The following FRAS1 variants were observed in gnomAD, a reference collection of about 807,000 sequenced individuals.
FRAS1 encodes extracellular matrix organizing protein FRAS1.
Under a neutral mutation model 435.2 loss-of-function variants are expected in FRAS1, and 290 were observed. The ratio of observed to expected loss-of-function variants is 0.67; its 90% CI spans 0.61 to 0.73. The LOEUF (loss-of-function observed/expected upper bound fraction) is 0.73, where lower values mean the gene tolerates loss of function less well. Ranked by LOEUF, FRAS1 falls within the 30% of genes least tolerant of loss-of-function variation. The probability of loss-of-function intolerance (pLI) is 0.00; values close to 1 mark genes in which losing one functional copy is unlikely to be tolerated. For synonymous variants in FRAS1, 1,800 were observed against 1,851.0 expected (o/e 0.97, Z 0.71); for missense variants, 4,860 against 5,001.5 (o/e 0.97, Z 0.85).
rs776661417 is a variant in FRAS1 at position 78,445,595 on chromosome 4, C to T, written c.5739C>T (p.Tyr1913=). 1 of 1,613,410 alleles carries T rather than the reference C, an allele frequency of 6.2e-7. No homozygotes were observed. The highest frequency in any genetic ancestry group is 8.5e-7 in the Non-Finnish European group (1 of 1,179,596). Reference sequence around the variant, plus strand: ...CTATTCAAGACGTCCTGGAAAACTACATTTACTACTTTCAGAGTGTTCATG... The same window carrying T: ...CTATTCAAGACGTCCTGGAAAACTATATTTACTACTTTCAGAGTGTTCATG... ...SFPIQDVLEN[Y]IYYFQSVHES... is the part of the protein sequence containing the mutation. Residue 1913 remains tyrosine, a synonymous_variant, in exon 42 of 74, where the codon TAC becomes TAT. Transcript: ENST00000512123.
chr4:78,190,613 C>A lies in FRAS1; in HGVS notation c.109-46897C>A, dbSNP rs1722491279. Among the ~76,000 whole-genome samples the A allele has an allele frequency of 2.7e-5, 4 of 150,808 alleles. 1 individual carries two copies. The highest frequency in any genetic ancestry group is 2.0e-4 in the Admixed American group (3 of 15,096). ...TTCCATCCCCCATCCCCCCACCACACCCCTTCCCTTCCCTTCCATTCCCTT... is the reference window on the plus strand; with the variant it reads ...TTCCATCCCCCATCCCCCCACCACAACCCTTCCCTTCCCTTCCATTCCCTT... On this transcript the variant is annotated intron_variant, in intron 2 of 73. Coordinates refer to ENST00000512123, the MANE Select transcript of FRAS1 (RefSeq NM_025074.7).
intron 2 of FRAS1, among the ~76,000 whole-genome samples, chr4:78,127,224 G>T (rs1719411883): frequency 6.6e-6 from 1 of 152,102 alleles, no homozygotes; most frequent in Non-Finnish European, 1.5e-5. Flanking sequence ...GAACTGGAAG[G>T]ATTTCAGAAT....
At chr4:78,310,967 C>T (rs1171219718) in intron 15 of FRAS1, among the ~76,000 whole-genome samples, 1 of 152,156 alleles carries the variant, frequency 6.6e-6, no homozygotes, top group African/African-American at 2.4e-5. Context: ...AAAGATCTTA[C>T]AGTAACCAGG....
rs117183101 is a variant in FRAS1 at position 78,102,265 on chromosome 4, G to A, written c.108+36249G>A. Among the ~76,000 whole-genome samples, 5 of 152,280 alleles carry A rather than the reference G, an allele frequency of 3.3e-5. No individual in the cohort carries two copies. In the East Asian group the frequency reaches 9.7e-4, roughly 29 times the overall value. On this transcript the variant is annotated intron_variant, in intron 2 of 73. Transcript: ENST00000512123. ...CAGAAGTATTTCTACAGAAGAAAGAGCGAACAGAAAACATCCCCATTTCTA... is the reference window on the plus strand; with the variant it reads ...CAGAAGTATTTCTACAGAAGAAAGAACGAACAGAAAACATCCCCATTTCTA...
intron 2 of FRAS1, among the ~76,000 whole-genome samples, chr4:78,173,438 G>A (rs554719032): frequency 4.6e-5 from 7 of 152,192 alleles, no homozygotes; most frequent in African/African-American, 1.2e-4. Context: ...GTCACCTCCC[G>A]GAGGAGGTCC....
intron 2 of FRAS1, among the ~76,000 whole-genome samples, chr4:78,198,464 C>T (rs764322450): frequency 7.2e-4 from 110 of 152,300 alleles, no homozygotes; most frequent in Non-Finnish European, 1.3e-3. Context: ...GACCTTGTCT[C>T]AGGCCCTGCT....
intron 2 of FRAS1, among the ~76,000 whole-genome samples, chr4:78,168,064 A>T (rs1721406707): frequency 6.6e-6 from 1 of 152,080 alleles, no homozygotes; most frequent in Non-Finnish European, 1.5e-5. Context: ...TCAAAAAAAA[A>T]AATCAGTGAT....
intron 2 of FRAS1, among the ~76,000 whole-genome samples, chr4:78,122,479 T>C (rs913290893): frequency 3.9e-5 from 6 of 152,192 alleles, no homozygotes. Flanking sequence ...TGTAATCCTT[T>C]GGGTATATGC....
At chr4:78,335,729 G>T (rs1168991765) in intron 19 of FRAS1, among the ~76,000 whole-genome samples, 1 of 152,166 alleles carries the variant, frequency 6.6e-6, no homozygotes, top group African/African-American at 2.4e-5. Flanking sequence ...AGCAAAAGGA[G>T]ATGGAGGTAT....
intron 18 of FRAS1, among the ~76,000 whole-genome samples, chr4:78,332,904 G>A (rs168282): frequency 0.71 from 107,267 of 152,096 alleles, 38,219 homozygotes; most frequent in Non-Finnish European, 0.74. Context: ...TGAGCAACCC[G>A]ATAAGCAGCA....
At chr4:78,209,298 TC>T (rs1723403355) in intron 2 of FRAS1, among the ~76,000 whole-genome samples, 1 of 152,204 alleles carries the variant, frequency 6.6e-6, no homozygotes, top group Admixed American at 6.5e-5. Flanking sequence ...TTTGCTCTCT[TC>T]AGTAGTTAAC....
At chr4:78,483,091 G>C (rs987030328) in intron 58 of FRAS1, among the ~76,000 whole-genome samples, 1 of 152,182 alleles carries the variant, frequency 6.6e-6, no homozygotes, top group Non-Finnish European at 1.5e-5. Context: ...TTTGAGCATG[G>C]GAGGGGGTGA....
At chr4:78,451,943 T>TTA in intron 46 of FRAS1, 52 bp downstream of exon 46, 1 of 1,535,212 alleles carries the variant, frequency 6.5e-7, no homozygotes, top group South Asian at 1.2e-5. Context: ...AGTTCTGAGG[T>TTA]TATATAGTTT....
At chr4:78,213,304 A>G (rs1373841845) in intron 2 of FRAS1, among the ~76,000 whole-genome samples, 2 of 152,276 alleles carry the variant, frequency 1.3e-5, no homozygotes, top group East Asian at 3.8e-4. Context: ...GGGAAAGGGC[A>G]GAACATGAAC....
Position 78,290,741 on chromosome 4 carries a change from C to T in FRAS1, c.1534+4202C>T, listed in dbSNP as rs543828799. Among the ~76,000 whole-genome samples the T allele has an allele frequency of 3.6e-4, 54 of 150,492 alleles. No individual in the cohort carries two copies. The South Asian group carries it at 9.7e-3, about 27-fold the overall frequency. ...CTGGGATTACAGGGGTGAGCCACCACACCTGGCCTCATTTTTTTGTTTGTT... is the reference window on the plus strand; with the variant it reads ...CTGGGATTACAGGGGTGAGCCACCATACCTGGCCTCATTTTTTTGTTTGTT... On this transcript the variant is annotated intron_variant, in intron 14 of 73. Transcript: ENST00000512123.
chr4:78,286,373 C>T lies in FRAS1; in HGVS notation c.1400-32C>T, dbSNP rs73827931. On this transcript the variant is annotated intron_variant, in intron 13 of 73. Transcript: ENST00000512123. ...TGTCTTTCAGCTAATCAAATGGTTC[C>T]TTTCTCTTTCTTCAACATTATCTGG... The T allele has an allele frequency of 5.9e-3, 9,460 of 1,612,080 alleles. 484 individuals are homozygous for T. In the African/African-American group the frequency reaches 0.11, roughly 19 times the overall value.
chr4:78,382,724 T>C (rs1390284280), intron 27 of FRAS1, among the ~76,000 whole-genome samples: 1 of 152,350 alleles, frequency 6.6e-6, no homozygotes, highest in East Asian at 1.9e-4. Context: ...TTTTAATAAC[T>C]GTATACAGTT....
At position 78,473,461 on chromosome 4, in the gene FRAS1, C is replaced by A. The variant is rs374802955; in HGVS notation, c.7546C>A (p.Arg2516Ser). 6.2e-7 allele frequency: 1 copy of A among 1,612,054 alleles called. No individual in the cohort carries two copies. Among genetic ancestry groups the A allele is most frequent in the African/African-American group, 1.3e-5 (1 of 74,906 alleles). The part of the protein sequence containing the change: ...TQEDVNLGLI[R>S]YVLHKEKIRE... ...AGAGGATGTGAACTTGGGGTTGATT[C>A]GTTATGTGTTGCACAAGGAGAAGAT... The change falls in exon 53 of 74, where the codon CGT becomes AGT. Residue 2516 changes from arginine to serine, a missense_variant. Coordinates refer to ENST00000512123, the MANE Select transcript of FRAS1 (RefSeq NM_025074.7).
intron 2 of FRAS1, among the ~76,000 whole-genome samples, chr4:78,083,324 A>G (rs1220381925): frequency 6.6e-6 from 1 of 152,086 alleles, no homozygotes; most frequent in Non-Finnish European, 1.5e-5. Flanking sequence ...CTTCCAGGAA[A>G]ATGTTTCCTT....
Sources: allele counts gnomAD v4.1 joint callset (sites outside exome capture counted in the v4.1 genomes callset), GRCh38; gene constraint gnomAD v4.1.1; transcripts MANE v1.5; gene names NCBI Gene and HGNC (gene_info 2026-07-23, HGNC 2026-07-21).